ROR2: variants seen among roughly 807,000 people sequenced by gnomAD.
ROR2 encodes ROR family WNT receptor 2.
ROR2 carries 33 observed loss-of-function variants against 74.9 expected under a neutral mutation model. The ratio of observed to expected loss-of-function variants is 0.44; its 90% CI spans 0.33 to 0.59. The LOEUF is 0.59. Ranked by LOEUF, ROR2 falls within the 20% of genes least tolerant of loss-of-function variation. The pLI is 0.02. For missense variants in ROR2, 1,216 were observed against 1,313.8 expected, an observed-to-expected ratio of 0.93 and a Z score of 1.15; for synonymous variants, 586 against 558.7, an observed-to-expected ratio of 1.05 and a Z score of -0.69.
chr9:91,860,724 C>A (rs1474098085), intron 1 of ROR2, among the ~76,000 whole-genome samples: 4 of 152,140 alleles, frequency 2.6e-5, no homozygotes, highest in African/African-American at 4.8e-5. Context: ...GAGAGAGACA[C>A]CTTTTTTGTT....
chr9:91,897,501 A>T (rs573003254), intron 1 of ROR2, among the ~76,000 whole-genome samples: 13 of 151,594 alleles, frequency 8.6e-5, no homozygotes, highest in African/African-American at 3.1e-4. Flanking sequence ...CTTTAGGAAA[A>T]TTTTGTCATA....
At chr9:91,759,177 T>G (rs1825842496) in intron 2 of ROR2, among the ~76,000 whole-genome samples, 1 of 152,072 alleles carries the variant, frequency 6.6e-6, no homozygotes, top group African/African-American at 2.4e-5. Flanking sequence ...TGTTGTAGGA[T>G]CCTCCAGCAT....
intron 1 of ROR2, among the ~76,000 whole-genome samples, chr9:91,909,315 A>G (rs2119441963): frequency 6.6e-6 from 1 of 152,126 alleles, no homozygotes; most frequent in Admixed American, 6.5e-5. Context: ...CACTGATTGG[A>G]AAACCAGGAA....
chr9:91,866,676 T>C (rs1473534754), intron 1 of ROR2, among the ~76,000 whole-genome samples: 1 of 152,150 alleles, frequency 6.6e-6, no homozygotes, highest in Non-Finnish European at 1.5e-5. Context: ...CATATGGGGC[T>C]ACTAAAATTT....
chr9:91,750,507 G>C (rs1455239783), intron 4 of ROR2, among the ~76,000 whole-genome samples: 1 of 152,198 alleles, frequency 6.6e-6, no homozygotes, highest in Non-Finnish European at 1.5e-5. Flanking sequence ...ACAGCTCCCT[G>C]CACTTGGGAC....
At chr9:91,942,994 T>C (rs779565314) in intron 1 of ROR2, among the ~76,000 whole-genome samples, 1 of 152,206 alleles carries the variant, frequency 6.6e-6, no homozygotes, top group African/African-American at 2.4e-5. Flanking sequence ...CATATAGTTA[T>C]GTACTTATTA....
At chr9:91,875,577 T>C (rs1459935687) in intron 1 of ROR2, among the ~76,000 whole-genome samples, 10 of 152,074 alleles carry the variant, frequency 6.6e-5, no homozygotes, top group Admixed American at 5.2e-4. Context: ...AAGAAAGCCA[T>C]AGCCATACAG....
At chr9:91,818,400 C>A (rs1202404272) in intron 1 of ROR2, among the ~76,000 whole-genome samples, 1 of 152,014 alleles carries the variant, frequency 6.6e-6, no homozygotes, top group South Asian at 2.1e-4. Context: ...GCCACACCCC[C>A]CCACAGGCTA....
In ROR2 at chr9:91,750,506, T is replaced by C. The variant is rs1364326888; in HGVS notation, c.494+5565A>G. 3.3e-5 allele frequency among the ~76,000 whole-genome samples: 5 copies of C among 152,234 alleles called. No homozygotes were observed. In the East Asian group the frequency reaches 5.8e-4, roughly 18 times the overall value. ...CTCCGTAAGGCACATCACAGCTCCC[T>C]GCACTTGGGACACCAGATGGCACTT... On this transcript the variant is annotated intron_variant, in intron 4 of 8. Coordinates refer to ENST00000375708, the MANE Select transcript of ROR2 (RefSeq NM_004560.4).
intron 1 of ROR2, among the ~76,000 whole-genome samples, chr9:91,829,830 C>A (rs528622517): frequency 1.3e-5 from 2 of 152,302 alleles, no homozygotes; most frequent in East Asian, 3.9e-4. Context: ...ATGATCCACA[C>A]CCACAATAAA....
intron 1 of ROR2, among the ~76,000 whole-genome samples, chr9:91,823,183 C>T (rs762520721): frequency 1.4e-4 from 22 of 152,094 alleles, no homozygotes; most frequent in African/African-American, 2.2e-4. Context: ...AACCATTAGA[C>T]GATATCATGG....
At chr9:91,832,367 C>CAAAAAAAAAA (rs10677451) in intron 1 of ROR2, among the ~76,000 whole-genome samples, 2 of 38,338 alleles carry the variant, frequency 5.2e-5, no homozygotes, top group East Asian at 1.2e-3. Flanking sequence ...GTCACAATGG[C>CAAAAAAAAAA]AAAAAAAAAA....
chr9:91,864,220 T>G (rs1402451017), intron 1 of ROR2, among the ~76,000 whole-genome samples: 1 of 152,224 alleles, frequency 6.6e-6, no homozygotes, highest in Non-Finnish European at 1.5e-5. Context: ...TCCTGTTAGA[T>G]TATGTGAATT....
chr9:91,881,834 T>C (rs80219149), intron 1 of ROR2, among the ~76,000 whole-genome samples: 2,565 of 152,060 alleles, frequency 0.017, 37 homozygotes, highest in South Asian at 0.025. Context: ...TGAAGAAGGA[T>C]GAGGGGAGAA....
chr9:91,941,796 CTCTTT>C (rs1040726238), intron 1 of ROR2, among the ~76,000 whole-genome samples: 1 of 125,850 alleles, frequency 7.9e-6, no homozygotes, highest in African/African-American at 2.9e-5. Context: ...CTCTTCTCTT[CTCTTT>C]CATTTTTGAG....
At chr9:91,762,038 T>C (rs748146796) in intron 2 of ROR2, among the ~76,000 whole-genome samples, 4 of 152,232 alleles carry the variant, frequency 2.6e-5, no homozygotes, top group Non-Finnish European at 4.4e-5. Flanking sequence ...TCTCAGTGAT[T>C]GGCTTTCCGT....
At position 91,792,496 on chromosome 9, in the gene ROR2, C is replaced by G. The variant is rs543797346; in HGVS notation, c.98-16678G>C. On this transcript the variant is annotated intron_variant, in intron 1 of 8. Transcript: ENST00000375708. ...GCTAATTTTTTGTACTTTTAGTAGA[C>G]ACTGGGTTTCACCGTGTTAGCCAAG... 1.3e-3 allele frequency among the ~76,000 whole-genome samples: 205 copies of G among 152,112 alleles called. 1 individual carries two copies. Among genetic ancestry groups the G allele is most frequent in the Admixed American group, 3.1e-3 (48 of 15,278 alleles).
intron 1 of ROR2, among the ~76,000 whole-genome samples, chr9:91,919,089 C>T (rs919803297): frequency 2.6e-5 from 4 of 152,152 alleles, no homozygotes; most frequent in African/African-American, 7.2e-5. Context: ...CACATATAGT[C>T]CAGCTTCCCA....
chr9:91,859,854 T>A (rs1490714719), intron 1 of ROR2, among the ~76,000 whole-genome samples: 1 of 151,988 alleles, frequency 6.6e-6, no homozygotes, highest in Non-Finnish European at 1.5e-5. Flanking sequence ...CAAAACCATG[T>A]GTTTCAGCCA....
Sources: gnomAD v4.1 joint callset for allele counts (sites outside exome capture counted in the v4.1 genomes callset) on GRCh38, gnomAD v4.1.1 for gene constraint, MANE v1.5 for transcripts, NCBI Gene and HGNC (gene_info 2026-07-23, HGNC 2026-07-21) for gene names.